The following ITPK1 variants were observed in gnomAD, a reference collection of about 807,000 sequenced individuals.
The protein encoded by ITPK1 is inositol 1,3,4-trisphosphate 5/6-kinase.
In ITPK1, 21 loss-of-function variants were observed where a neutral mutation model predicts 45.3. The ratio of observed to expected loss-of-function variants is 0.46; its 90% CI spans 0.33 to 0.67. ITPK1 has a LOEUF of 0.67. Ranked by LOEUF, ITPK1 falls within the 30% of genes least tolerant of loss-of-function variation. The probability of loss-of-function intolerance (pLI) is 0.02; values close to 1 mark genes in which losing one functional copy is unlikely to be tolerated. For synonymous variants in ITPK1, 258 were observed against 253.6 expected, an observed-to-expected ratio of 1.02 and a Z score of -0.16; for missense variants, 474 against 573.5, an observed-to-expected ratio of 0.83 and a Z score of 1.77.
intron 5 of ITPK1, among the ~76,000 whole-genome samples, chr14:92,969,406 C>A (rs1435128334): frequency 6.6e-6 from 1 of 152,034 alleles, no homozygotes; most frequent in Non-Finnish European, 1.5e-5. Context: ...GGGGAGGCGC[C>A]AACGAGGCAC....
Position 92,941,851 on chromosome 14 carries a change from C to T in ITPK1, c.955G>A (p.Val319Ile), listed in dbSNP as rs376577438. ...FTDLLNHIAT[V>I]LQGQSTAMAA... The stretch of plus-strand genomic sequence containing the variant: ...ATGGCTGTGCTCTGGCCCTGCAGGA[C>T]AGTGGCGATGTGGTTCAGGAGGTCT... Residue 319 changes from valine (V) to isoleucine (I), a missense_variant, in exon 11 of 11, where the codon GTC (valine) becomes ATC (isoleucine). Around this residue, in one of 2 missense-constraint regions of ITPK1, gnomAD observed 367 missense variants for 480.6 expected, o/e 0.76. Transcript: ENST00000267615. The T allele has an allele frequency of 1.2e-6, 2 of 1,612,596 alleles. No homozygotes were observed. The highest frequency in any genetic ancestry group is 1.7e-6 in the Non-Finnish European group (2 of 1,179,894).
At chr14:93,051,196 C>T (rs117929284) in intron 3 of ITPK1, among the ~76,000 whole-genome samples, 1,930 of 152,292 alleles carry the variant, frequency 0.013, 22 homozygotes, top group South Asian at 0.019. Context: ...GCCTCAATTT[C>T]CCAGGCATGG....
At chr14:92,977,156 C>G (rs1253692566) in intron 5 of ITPK1, among the ~76,000 whole-genome samples, 1 of 152,222 alleles carries the variant, frequency 6.6e-6, no homozygotes, top group African/African-American at 2.4e-5. Flanking sequence ...AAACAGAAAC[C>G]AGCATGCAGA....
At chr14:92,985,134 A>T (rs907541166) in intron 5 of ITPK1, among the ~76,000 whole-genome samples, 1 of 151,960 alleles carries the variant, frequency 6.6e-6, no homozygotes, top group Admixed American at 6.6e-5. Flanking sequence ...CACCAGATAA[A>T]CCTGAATTGA....
intron 3 of ITPK1, among the ~76,000 whole-genome samples, chr14:93,038,372 G>A (rs942180973): frequency 2.0e-5 from 3 of 152,140 alleles, no homozygotes; most frequent in Non-Finnish European, 4.4e-5. Context: ...TCATTAAAAG[G>A]TAAATCAAGC....
chr14:93,110,993 G>T (rs901621762), intron 2 of ITPK1, among the ~76,000 whole-genome samples: 4 of 150,984 alleles, frequency 2.6e-5, no homozygotes, highest in Non-Finnish European at 4.4e-5. Flanking sequence ...CCATCCCAAC[G>T]AGGGATGTCC....
In ITPK1 at chr14:93,032,312, T is replaced by C. The variant is rs923358811; in HGVS notation, c.121-15511A>G. Among the ~76,000 whole-genome samples the C allele has an allele frequency of 6.6e-6, 1 of 151,974 alleles. No individual in the cohort carries two copies. The highest frequency in any genetic ancestry group is 1.5e-5 in the Non-Finnish European group (1 of 68,024). ...TTGCAGTGAGCCGAGATTACGCCAC[T>C]GCACTCCAGGCTGGGCGACAGAGCG... On this transcript the variant is annotated intron_variant, in intron 3 of 10. Transcript: ENST00000267615. The surrounding 1 kb of genome is among the most constrained non-coding windows in gnomAD (Gnocchi z 4.0).
chr14:93,089,710 T>G (rs116518560), intron 2 of ITPK1, among the ~76,000 whole-genome samples: 1,928 of 152,226 alleles, frequency 0.013, 52 homozygotes, highest in African/African-American at 0.044. Context: ...AGGACCCCAG[T>G]GCCAAGAGTC....
chr14:92,975,318 C>T (rs903888410), intron 5 of ITPK1, among the ~76,000 whole-genome samples: 24 of 152,210 alleles, frequency 1.6e-4, no homozygotes, highest in Non-Finnish European at 3.2e-4. Flanking sequence ...GCCCCTGACC[C>T]AGTACCCAGT....
chr14:92,994,016 G>A lies in ITPK1; in HGVS notation c.247-19C>T. 9 of 1,547,296 alleles carry A rather than the reference G, an allele frequency of 5.8e-6. No homozygotes were observed. Among genetic ancestry groups the A allele is most frequent in the Non-Finnish European group, 7.1e-6 (8 of 1,119,044 alleles). On this transcript the variant is annotated intron_variant, in intron 4 of 10. Transcript: ENST00000267615. The stretch of plus-strand genomic sequence containing the variant: ...TGTACTCCTGAAAGGGAAGCATGCT[G>A]CTCTGGTTAGAGCAGGGGTAGGGCC...
intron 4 of ITPK1, among the ~76,000 whole-genome samples, chr14:93,000,368 G>A (rs1341976551): frequency 3.9e-5 from 6 of 152,172 alleles, no homozygotes; most frequent in African/African-American, 1.4e-4. Flanking sequence ...GCACTTTTCT[G>A]GTTCAACAAG....
rs151149183 is a variant in ITPK1, at chr14:93,072,992, C to T, written c.120+3603G>A. The stretch of plus-strand genomic sequence containing the variant: ...CTGGCCCCAGGATGACAATGACTGG[C>T]CACTGTACTTGACCACCAGGAGGGT... On this transcript the variant is annotated intron_variant, in intron 3 of 10. Transcript: ENST00000267615. Among the ~76,000 whole-genome samples the T allele has an allele frequency of 1.2e-3, 186 of 152,366 alleles. 2 individuals carry two copies. The highest frequency in any genetic ancestry group is 4.3e-3 in the African/African-American group (177 of 41,590).
Position 93,063,899 on chromosome 14 carries a change from G to A in ITPK1, c.120+12696C>T, listed in dbSNP as rs78040404. Among the ~76,000 whole-genome samples the A allele has an allele frequency of 0.017, 2,560 of 152,168 alleles. 71 individuals are homozygous for A. Among genetic ancestry groups the A allele is most frequent in the African/African-American group, 0.058 (2,427 of 41,500 alleles). ...TAGAAGCCCAGCCCAGACGCCAAACGCACTTTGGAATTTTTACATGCGCAT... is the reference window on the plus strand; with the variant it reads ...TAGAAGCCCAGCCCAGACGCCAAACACACTTTGGAATTTTTACATGCGCAT... On this transcript the variant is annotated intron_variant, in intron 3 of 10. Transcript: ENST00000267615. This position sits in a 1 kb window ranked among gnomAD's most constrained non-coding sequence, Gnocchi z 4.3.
chr14:92,959,929 G>A (rs905899805), intron 7 of ITPK1, among the ~76,000 whole-genome samples: 1 of 152,202 alleles, frequency 6.6e-6, no homozygotes, highest in African/African-American at 2.4e-5. Context: ...AGAAGCACCT[G>A]CTGCCCTATC....
chr14:93,003,720 C>T (rs1048550601), intron 4 of ITPK1, among the ~76,000 whole-genome samples: 20 of 152,332 alleles, frequency 1.3e-4, no homozygotes, highest in African/African-American at 4.3e-4. Flanking sequence ...AAGGCTTCTG[C>T]CTGCCCATCA....
At chr14:92,985,317 T>G (rs1273616500) in intron 5 of ITPK1, among the ~76,000 whole-genome samples, 1 of 152,156 alleles carries the variant, frequency 6.6e-6, no homozygotes, top group Non-Finnish European at 1.5e-5. Flanking sequence ...GGTCTTTCAA[T>G]TATTGAATAG....
chr14:93,006,422 T>G (rs1685552563), intron 4 of ITPK1, among the ~76,000 whole-genome samples: 4 of 152,128 alleles, frequency 2.6e-5, no homozygotes, highest in Admixed American at 2.6e-4. Context: ...GGGAAGGCAT[T>G]AAAAGGGGCT....
intron 8 of ITPK1, 149 bp from the exon 9 acceptor site, chr14:92,952,162 C>G (rs547484560): frequency 1.4e-5 from 9 of 661,518 alleles, no homozygotes; most frequent in African/African-American, 3.6e-5. Context: ...AGCTGGGCAC[C>G]AGCCCTGGGC....
At chr14:93,003,524 GT>G (rs1162761223) in intron 4 of ITPK1, among the ~76,000 whole-genome samples, 1 of 152,224 alleles carries the variant, frequency 6.6e-6, no homozygotes, top group Non-Finnish European at 1.5e-5. Context: ...CTGGCATAGG[GT>G]TGGAGTTGGA....
Sources: allele counts gnomAD v4.1 joint callset (sites outside exome capture counted in the v4.1 genomes callset), GRCh38; gene constraint gnomAD v4.1.1; regional missense constraint gnomAD v4.1.1; non-coding constraint Gnocchi (gnomAD v3.1); transcripts MANE v1.5; gene names NCBI Gene and HGNC (gene_info 2026-07-23, HGNC 2026-07-21).